The following POLD2 variants were observed in gnomAD, a reference collection of about 807,000 sequenced individuals.
The protein encoded by POLD2 is DNA polymerase delta subunit 2.
A neutral mutation model predicts 48.8 loss-of-function variants in POLD2; 31 were observed. That is an observed-to-expected ratio of 0.64 (90% confidence interval 0.48 to 0.86). The LOEUF (loss-of-function observed/expected upper bound fraction) is 0.86. Ranked by LOEUF, POLD2 falls within the 40% of genes least tolerant of loss-of-function variation. The pLI is 0.00. For missense variants in POLD2, 455 were observed against 610.1 expected (o/e 0.75, Z 2.68); for synonymous variants, 233 against 256.3 (o/e 0.91, Z 0.87).
chr7:44,118,809 G>C (rs1476976969), intron 2 of POLD2, among the ~76,000 whole-genome samples: 1 of 152,010 alleles, frequency 6.6e-6, no homozygotes. Flanking sequence ...GTGAGCCACC[G>C]TGCCCGGCCA....
upstream of POLD2, chr7:44,123,809 T>G (rs1409046356): frequency 2.1e-6 from 2 of 956,228 alleles, no homozygotes; most frequent in African/African-American, 1.7e-5. Flanking sequence ...TGACGGGGGG[T>G]GTCGGCCTCC....
Position 44,116,665 on chromosome 7 carries a change from G to T in POLD2, c.780+152C>A. 2.0e-6 allele frequency: 2 copies of T among 981,100 alleles called. No individual in the cohort carries two copies. Among genetic ancestry groups the T allele is most frequent in the Non-Finnish European group, 3.1e-6 (2 of 653,092 alleles). 60.8% of individuals were successfully genotyped at this position (981,100 alleles called of 1,614,324 possible). Reference sequence around the variant, plus strand: ...CTCAGCGAGGGCCTGGGCATGAGGAGCCCCATTGCAGGAGGCCCCAGAGTC... The same window carrying T: ...CTCAGCGAGGGCCTGGGCATGAGGATCCCCATTGCAGGAGGCCCCAGAGTC... On this transcript the variant is annotated intron_variant, in intron 6 of 10. Coordinates refer to ENST00000610533, the MANE Select transcript of POLD2 (RefSeq NM_006230.4). This position sits in a 1 kb window ranked among gnomAD's most constrained non-coding sequence, Gnocchi z 6.1.
At chr7:44,118,938 T>G (rs2096244660) in intron 2 of POLD2, among the ~76,000 whole-genome samples, 1 of 152,150 alleles carries the variant, frequency 6.6e-6, no homozygotes, top group Admixed American at 6.6e-5. Context: ...AAAAGAAGCA[T>G]GCCAAGTCTC....
intron 2 of POLD2, among the ~76,000 whole-genome samples, chr7:44,120,009 C>T (rs1467970671): frequency 6.6e-6 from 1 of 150,554 alleles, no homozygotes; most frequent in Non-Finnish European, 1.5e-5. Flanking sequence ...GAAAAGCCTA[C>T]AGCAGGAAGG....
rs750201734 is a variant in POLD2 at position 44,115,369 on chromosome 7, G to C, written c.1175C>G (p.Pro392Arg). ...LGCYPFYKTD[P>R]FIFPECPHVY... is the part of the protein sequence containing the mutation. ...ATGCGGGCACTCTGGGAAGATGAAC[G>C]GGTCAGTTTTGTAGAAGGGGTAACA... The change falls in exon 10 of 11, where the codon CCG becomes CGG. Residue 392 changes from proline (P) to arginine (R), a missense_variant. Physicochemically the swap from Pro to Arg is moderately radical, Grantham distance 103. Transcript: ENST00000610533. 2 of 1,613,660 alleles carry C rather than the reference G, an allele frequency of 1.2e-6. No homozygotes were observed. The highest frequency in any genetic ancestry group is 1.7e-6 in the Non-Finnish European group (2 of 1,179,544).
In POLD2 at chr7:44,117,745, G is replaced by A; in HGVS notation, c.343-3C>T. 6.2e-7 allele frequency: 1 copy of A among 1,613,892 alleles called. No homozygotes were observed. The highest frequency in any genetic ancestry group is 8.5e-7 in the Non-Finnish European group (1 of 1,179,916). ...GGAGGCTGGGGGAGCAGGTTGTGCT[G>A]GAATGCAGAGACAGGAGGTATAATC... is the stretch of plus-strand genomic sequence containing the variant. On this transcript the variant is annotated splice_polypyrimidine_tract_variant and splice_region_variant and intron_variant, in intron 3 of 10. Coordinates refer to ENST00000610533, the MANE Select transcript of POLD2 (RefSeq NM_006230.4).
chr7:44,123,358 G>A, intron 1 of POLD2, 153 bp downstream of exon 1: 1 of 1,397,902 alleles, frequency 7.2e-7, no homozygotes, highest in Non-Finnish European at 9.2e-7. Flanking sequence ...GAGCGCCCTG[G>A]GGGCTGTCCC....
At chr7:44,118,206 C>T (rs930258751) in intron 2 of POLD2, 142 bp from the exon 3 acceptor site, 1 of 944,974 alleles carries the variant, frequency 1.1e-6, no homozygotes, top group Non-Finnish European at 1.5e-6. Context: ...ACAAGGACCC[C>T]CTGGACTTCA....
At chr7:44,122,386 C>T in intron 1 of POLD2, 2 of 1,169,040 alleles carry the variant, frequency 1.7e-6, no homozygotes, top group Non-Finnish European at 2.1e-6. Flanking sequence ...ATCTGGACAA[C>T]TACCAGGGTC....
Position 44,116,490 on chromosome 7 carries a change from T to C in POLD2, c.801A>G (p.Lys267=), listed in dbSNP as rs757957596. 11 of 1,580,868 alleles carry C rather than the reference T, an allele frequency of 7.0e-6. No homozygotes were observed. The highest frequency in any genetic ancestry group is 8.6e-6 in the Non-Finnish European group (10 of 1,162,704). Reference sequence around the variant, plus strand: ...CAGCCTCCACGCTGGCTGCCTGGGTTTTCTTGGTGAGGTATTTGGCCTGGA... The same window carrying C: ...CAGCCTCCACGCTGGCTGCCTGGGTCTTCTTGGTGAGGTATTTGGCCTGGA... ...SINKAKYLTK[K]TQAASVEAVK... is the part of the protein sequence containing the mutation. The change falls in exon 7 of 11, where the codon AAA becomes AAG. Residue 267 remains lysine (K), a synonymous_variant. Transcript: ENST00000610533. The surrounding 1 kb of genome is among the most constrained non-coding windows in gnomAD (Gnocchi z 6.1).
Position 44,116,669 on chromosome 7 carries a change from C to T in POLD2, c.780+148G>A, listed in dbSNP as rs2096240161. ...GCGAGGGCCTGGGCATGAGGAGCCC[C>T]ATTGCAGGAGGCCCCAGAGTCACTG... is the stretch of plus-strand genomic sequence containing the variant. On this transcript the variant is annotated intron_variant, in intron 6 of 10. Transcript: ENST00000610533. The surrounding 1 kb of genome is among the most constrained non-coding windows in gnomAD (Gnocchi z 6.1). 2.0e-6 allele frequency: 2 copies of T among 996,752 alleles called. No individual in the cohort carries two copies. The highest frequency in any genetic ancestry group is 3.1e-4 in the Middle Eastern group (1 of 3,190). The allele number at this position is 996,752 out of a possible 1,614,324, so 61.7% of individuals were successfully genotyped here.
In POLD2 at chr7:44,115,798, C is replaced by T. The variant is rs1426475392; in HGVS notation, c.1115G>A (p.Arg372His). The change falls in exon 9 of 11, where the codon CGT (arginine) becomes CAT (histidine). Residue 372 changes from arginine (R) to histidine (H), a missense_variant. By Grantham distance (29) the Arg-to-His change is conservative. This residue lies in a region of POLD2 where 98 missense variants were observed against 138.6 expected (regional missense o/e 0.71). Transcript: ENST00000610533. ...LEILEWTLRV[R>H]HISPTAPDTL... The stretch of plus-strand genomic sequence containing the variant: ...GTCAGGGGCTGTGGGGCTGATGTGA[C>T]GGACCCGCAGGGTCCACTCCAGGAT... 5.6e-6 allele frequency: 9 copies of T among 1,614,012 alleles called. No homozygotes were observed. Among genetic ancestry groups the T allele is most frequent in the Middle Eastern group, 1.7e-4 (1 of 5,966 alleles).
intron 2 of POLD2, chr7:44,118,428 C>T: frequency 5.4e-6 from 1 of 183,936 alleles, no homozygotes; most frequent in Non-Finnish European, 1.1e-5. Context: ...TCAGAAGGAG[C>T]CAATCCTGCT....
At chr7:44,120,798 C>G (rs1291549201) in intron 2 of POLD2, among the ~76,000 whole-genome samples, 4 of 152,164 alleles carry the variant, frequency 2.6e-5, no homozygotes, top group Non-Finnish European at 4.4e-5. Context: ...TGAGGCCTCC[C>G]CAGCCATGAG....
chr7:44,118,214 T>C (rs751602620), intron 2 of POLD2, 150 bp from the exon 3 acceptor site: 11 of 874,876 alleles, frequency 1.3e-5, no homozygotes, highest in Admixed American at 3.0e-5. Context: ...CCCCTGGACT[T>C]CACGGTGACA....
In POLD2 at chr7:44,116,147, G is replaced by A; in HGVS notation, c.987C>T (p.Thr329=). 2 of 1,613,768 alleles carry A rather than the reference G, an allele frequency of 1.2e-6. No individual in the cohort carries two copies. The highest frequency in any genetic ancestry group is 1.7e-6 in the Non-Finnish European group (2 of 1,180,034). Reference sequence around the variant, plus strand: ...CATCAATGGTGGCCTGGTAGGGGTTGGTGACCAGCTGGAGCGTGGAGTAGG... The same window carrying A: ...CATCAATGGTGGCCTGGTAGGGGTTAGTGACCAGCTGGAGCGTGGAGTAGG... The part of the protein sequence containing the change: ...ATAYSTLQLV[T]NPYQATIDGV... Residue 329 remains threonine, a synonymous_variant, in exon 8 of 11, where the codon ACC becomes ACT. Transcript: ENST00000610533. The surrounding 1 kb of genome is among the most constrained non-coding windows in gnomAD (Gnocchi z 6.1).
At chr7:44,117,364 T>C in intron 4 of POLD2, 117 bp from the exon 5 acceptor site, 1 of 787,992 alleles carries the variant, frequency 1.3e-6, no homozygotes, top group South Asian at 1.6e-5. Flanking sequence ...AATTCTCACC[T>C]AGGACTCCAG....
chr7:44,121,740 G>T lies in POLD2; in HGVS notation c.220+94C>A. The T allele has an allele frequency of 8.2e-7, 1 of 1,214,186 alleles. No individual in the cohort carries two copies. 75.2% of individuals were successfully genotyped at this position (1,214,186 alleles called of 1,614,324 possible). ...TAATTTTCCCAAGGTAACAGGAAGT[G>T]GGATCAATTAGATAAACTGTTCCCA... On this transcript the variant is annotated intron_variant, in intron 2 of 10. Transcript: ENST00000610533. This position sits in a 1 kb window ranked among gnomAD's most constrained non-coding sequence, Gnocchi z 4.5.
chr7:44,122,008 G>T lies in POLD2; in HGVS notation c.46C>A (p.Pro16Thr). Residue 16 changes from proline to threonine, a missense_variant, in exon 2 of 11, where the codon CCA (proline) becomes ACA (threonine). Around this residue, in one of 3 missense-constraint regions of POLD2, gnomAD observed 349 missense variants for 437.4 expected, o/e 0.80. Coordinates refer to ENST00000610533, the MANE Select transcript of POLD2 (RefSeq NM_006230.4). ...AAQRAHTLLS[P>T]PSANNATFAR... ...AAGGTGGCATTGTTGGCTGATGGTGGGGACAGTAGAGTGTGGGCCCTCTGG... is the reference window on the plus strand; with the variant it reads ...AAGGTGGCATTGTTGGCTGATGGTGTGGACAGTAGAGTGTGGGCCCTCTGG... 2 of 1,613,700 alleles carry T rather than the reference G, an allele frequency of 1.2e-6. No homozygotes were observed. Among genetic ancestry groups the T allele is most frequent in the Non-Finnish European group, 1.7e-6 (2 of 1,180,034 alleles).
Sources: allele counts gnomAD v4.1 joint callset (sites outside exome capture counted in the v4.1 genomes callset), GRCh38; gene constraint gnomAD v4.1.1; regional missense constraint gnomAD v4.1.1; non-coding constraint Gnocchi (gnomAD v3.1); transcripts MANE v1.5; gene names NCBI Gene and HGNC (gene_info 2026-07-23, HGNC 2026-07-21).